Variants in USPL1 observed in about 807,000 individuals in gnomAD.
USPL1 encodes SUMO-specific isopeptidase USPL1.
In USPL1, 27 loss-of-function variants were observed where a neutral mutation model predicts 51.5. The ratio of observed to expected loss-of-function variants is 0.52; its 90% CI spans 0.39 to 0.72. USPL1 has a LOEUF of 0.72. Ranked by LOEUF, USPL1 falls within the 30% of genes least tolerant of loss-of-function variation. USPL1 has a pLI of 0.00. For missense variants in USPL1, 1,226 were observed against 1,268.0 expected, an observed-to-expected ratio of 0.97 and a Z score of 0.50; for synonymous variants, 451 against 459.6, an observed-to-expected ratio of 0.98 and a Z score of 0.24.
chr13:30,629,332 T>C (rs1950767884), intron 3 of USPL1, among the ~76,000 whole-genome samples: 2 of 152,044 alleles, frequency 1.3e-5, no homozygotes, highest in Admixed American at 1.3e-4. Context: ...GGTGAAACCT[T>C]GTCTCTACAG....
intron 7 of USPL1, among the ~76,000 whole-genome samples, chr13:30,650,767 A>T (rs1439085431): frequency 6.6e-6 from 1 of 151,974 alleles, no homozygotes; most frequent in East Asian, 1.9e-4. Context: ...AGGCGGGTGG[A>T]TTACCTAAGG....
intron 4 of USPL1, among the ~76,000 whole-genome samples, chr13:30,636,946 T>C (rs1027900462): frequency 6.6e-6 from 1 of 152,096 alleles, no homozygotes; most frequent in Non-Finnish European, 1.5e-5. Context: ...TTGTTGTTGT[T>C]TTGTTTTTGT....
intron 7 of USPL1, among the ~76,000 whole-genome samples, chr13:30,652,213 T>C (rs560758876): frequency 5.9e-5 from 9 of 152,222 alleles, no homozygotes; most frequent in Non-Finnish European, 1.2e-4. Context: ...GAAAGTTTAG[T>C]GTTATAGACA....
intron 3 of USPL1, 144 bp from the exon 4 acceptor site, chr13:30,630,691 A>T (rs1484239840): frequency 1.2e-5 from 11 of 904,732 alleles, no homozygotes; most frequent in Non-Finnish European, 1.7e-5. Context: ...TTTGTCTCTA[A>T]TTTTTTCAAA....
chr13:30,621,279 T>G, intron 2 of USPL1, 40 bp downstream of exon 2: 1 of 1,467,810 alleles, frequency 6.8e-7, no homozygotes, highest in Non-Finnish European at 9.2e-7. Context: ...AAAGTTTTTT[T>G]TTTTTCTCTA....
intron 7 of USPL1, among the ~76,000 whole-genome samples, chr13:30,648,008 CT>C (rs1271841515): frequency 6.6e-6 from 1 of 152,074 alleles, no homozygotes; most frequent in Non-Finnish European, 1.5e-5. Context: ...GTCTGTTCTC[CT>C]TTTATAGTAA....
intron 3 of USPL1, among the ~76,000 whole-genome samples, chr13:30,629,674 G>A (rs9579620): frequency 0.03 from 4,530 of 152,190 alleles, 247 homozygotes; most frequent in African/African-American, 0.1. Context: ...TTTCCATGAG[G>A]TTCTCTCCAT....
At chr13:30,626,672 C>T (rs1304793890) in intron 3 of USPL1, among the ~76,000 whole-genome samples, 1 of 152,152 alleles carries the variant, frequency 6.6e-6, no homozygotes, top group Non-Finnish European at 1.5e-5. Flanking sequence ...TGGAAAACCT[C>T]TTTTAGTCAG....
intron 8 of USPL1, among the ~76,000 whole-genome samples, chr13:30,653,673 CT>C (rs1425252047): frequency 6.6e-6 from 1 of 152,012 alleles, no homozygotes; most frequent in Non-Finnish European, 1.5e-5. Context: ...TTACGTAGCC[CT>C]TCTGTCATTG....
chr13:30,627,016 G>A (rs1401865234), intron 3 of USPL1, among the ~76,000 whole-genome samples: 5 of 152,030 alleles, frequency 3.3e-5, no homozygotes, highest in Middle Eastern at 3.4e-3. Flanking sequence ...AGTATAAGAA[G>A]ACATGGTATG....
intron 1 of USPL1, among the ~76,000 whole-genome samples, chr13:30,619,194 A>G (rs1725565187): frequency 6.6e-6 from 1 of 152,162 alleles, no homozygotes; most frequent in African/African-American, 2.4e-5. Context: ...CCCCCCCGGG[A>G]TTTTGTATGT....
chr13:30,630,081 A>G (rs904410357), intron 3 of USPL1, among the ~76,000 whole-genome samples: 4 of 152,040 alleles, frequency 2.6e-5, no homozygotes, highest in African/African-American at 9.7e-5. Context: ...GGCTTAAGCA[A>G]TCCTCCCATC....
chr13:30,653,091 A>G (rs1037356207), intron 7 of USPL1, 57 bp from the exon 8 acceptor site: 2 of 1,496,154 alleles, frequency 1.3e-6, no homozygotes, highest in African/African-American at 1.4e-5. Context: ...CATCTTTTGT[A>G]TAATCAGACA....
At chr13:30,642,110 G>A (rs1043077956) in intron 5 of USPL1, among the ~76,000 whole-genome samples, 36 of 151,882 alleles carry the variant, frequency 2.4e-4, no homozygotes, top group African/African-American at 8.5e-4. Context: ...ATAATGCCTC[G>A]CTATATTGGC....
intron 8 of USPL1, among the ~76,000 whole-genome samples, chr13:30,653,578 T>G (rs1304116712): frequency 1.3e-5 from 2 of 152,226 alleles, no homozygotes; most frequent in African/African-American, 4.8e-5. Context: ...ATGAGATTAC[T>G]ACTGTTAGCT....
At chr13:30,623,407 G>A (rs1950669407) in intron 3 of USPL1, among the ~76,000 whole-genome samples, 1 of 152,126 alleles carries the variant, frequency 6.6e-6, no homozygotes, top group African/African-American at 2.4e-5. Context: ...TGTTGGCAGA[G>A]GAGTGACATA....
In USPL1 at chr13:30,631,276, G is replaced by T; in HGVS notation, c.670G>T (p.Ala224Ser). The T allele has an allele frequency of 6.2e-7, 1 of 1,614,086 alleles. No homozygotes were observed. The highest frequency in any genetic ancestry group is 8.5e-7 in the Non-Finnish European group (1 of 1,180,018). ...LESKCTSFPQ[A>S]LCVQWKNAYA... The stretch of plus-strand genomic sequence containing the variant: ...GAGCAAATGTACATCATTTCCCCAG[G>T]CTTTATGTGTCCAGTGGAAAAATGC... The change falls in exon 4 of 9, where the codon GCT becomes TCT. Residue 224 changes from alanine (A) to serine (S), a missense_variant. Ala to Ser is a moderately conservative substitution (Grantham distance 99, BLOSUM62 1). Coordinates refer to ENST00000255304, the MANE Select transcript of USPL1 (RefSeq NM_005800.5).
chr13:30,657,821 A>G lies in USPL1; in HGVS notation c.1744A>G (p.Asn582Asp). Residue 582 changes from asparagine to aspartate, a missense_variant, in exon 9 of 9, where the codon AAT becomes GAT. Physicochemically the swap from Asn to Asp is conservative, Grantham distance 23. Coordinates refer to ENST00000255304, the MANE Select transcript of USPL1 (RefSeq NM_005800.5). ...LLSGPKGLVD[N>D]ILPLTLEETI... Reference sequence around the variant, plus strand: ...TTCAGGTCCAAAAGGTTTGGTTGACAATATTTTACCTCTGACACTTGAAGA... The same window carrying G: ...TTCAGGTCCAAAAGGTTTGGTTGACGATATTTTACCTCTGACACTTGAAGA... 6.2e-7 allele frequency: 1 copy of G among 1,614,032 alleles called. No homozygotes were observed. Among genetic ancestry groups the G allele is most frequent in the East Asian group, 2.2e-5 (1 of 44,888 alleles).
rs1247608517 is a variant in USPL1, at chr13:30,617,937, G to C, written c.-188G>C. The C allele has an allele frequency of 6.6e-6, 1 of 152,434 alleles. No homozygotes were observed. Among genetic ancestry groups the C allele is most frequent in the African/African-American group, 2.4e-5 (1 of 41,478 alleles). The allele number at this position is 152,434 out of a possible 1,614,324, so 9.4% of individuals were successfully genotyped here. A position where few individuals can be genotyped will look rare whatever the true frequency, so the allele number is the denominator to read the frequency against. On this transcript the variant is annotated 5_prime_UTR_variant, in exon 1 of 9. Coordinates refer to ENST00000255304, the MANE Select transcript of USPL1 (RefSeq NM_005800.5). ...CGGAAGCCGCCTTCCTAGTGGAGAC[G>C]CGAGTGGGGGAGGAGCAGTCCGAGG... is the stretch of plus-strand genomic sequence containing the variant.
Sources: allele counts gnomAD v4.1 joint callset (sites outside exome capture counted in the v4.1 genomes callset), GRCh38; gene constraint gnomAD v4.1.1; transcripts MANE v1.5; gene names NCBI Gene and HGNC (gene_info 2026-07-23, HGNC 2026-07-21).